Variants in CSDE1 observed in about 807,000 individuals in gnomAD.
CSDE1 encodes the protein cold shock domain containing E1.
CSDE1 carries 17 observed loss-of-function variants against 89.3 expected under a neutral mutation model. That is an observed-to-expected ratio of 0.19 (90% CI 0.13 to 0.29). The LOEUF (loss-of-function observed/expected upper bound fraction) is 0.29. Ranked by LOEUF, CSDE1 falls within the 10% of genes least tolerant of loss-of-function variation. The pLI, the probability that CSDE1 is intolerant of heterozygous loss-of-function variation, is 1.00. For synonymous variants in CSDE1, 322 were observed against 332.8 expected (o/e 0.97, Z 0.35); for missense variants, 672 against 984.2 (o/e 0.68, Z 4.24).
At chr1:114,734,743 T>C (rs1233792859) in intron 6 of CSDE1, among the ~76,000 whole-genome samples, 4 of 152,192 alleles carry the variant, frequency 2.6e-5, no homozygotes, top group African/African-American at 9.7e-5. Flanking sequence ...AATATATATA[T>C]AGGTCATCTT....
intron 9 of CSDE1, 88 bp from the exon 10 acceptor site, chr1:114,732,904 G>T: frequency 2.6e-6 from 3 of 1,165,476 alleles, no homozygotes; most frequent in Non-Finnish European, 3.8e-6. Context: ...GTAAACCCAT[G>T]TTATTTTTAA....
intron 13 of CSDE1, 51 bp downstream of exon 13, chr1:114,726,932 G>A (rs1400264072): frequency 4.0e-6 from 5 of 1,237,036 alleles, no homozygotes; most frequent in Non-Finnish European, 4.7e-6. Flanking sequence ...CAGGATTTAT[G>A]ATTAAGATGA....
intron 2 of CSDE1, among the ~76,000 whole-genome samples, chr1:114,747,372 C>A (rs1004613734): frequency 6.6e-6 from 1 of 152,194 alleles, no homozygotes; most frequent in Non-Finnish European, 1.5e-5. Context: ...CCATGTTTTA[C>A]TGCCAATAAT....
intron 6 of CSDE1, among the ~76,000 whole-genome samples, chr1:114,736,048 A>G (rs1557999667): frequency 6.6e-6 from 1 of 152,146 alleles, no homozygotes; most frequent in Non-Finnish European, 1.5e-5. Context: ...AGCCCAGTTT[A>G]TGGTACCATC....
intron 2 of CSDE1, among the ~76,000 whole-genome samples, chr1:114,742,253 T>G (rs955441587): frequency 1.3e-5 from 2 of 152,258 alleles, no homozygotes; most frequent in South Asian, 4.1e-4. Context: ...GATAAGGAGA[T>G]ATATAAATTT....
At chr1:114,753,895 G>A (rs1661446635) in intron 1 of CSDE1, among the ~76,000 whole-genome samples, 1 of 152,076 alleles carries the variant, frequency 6.6e-6, no homozygotes. Flanking sequence ...TTGCCTGGGC[G>A]ACAGAGTAAG....
chr1:114,729,199 C>T (rs943122017), intron 12 of CSDE1, among the ~76,000 whole-genome samples: 25 of 152,030 alleles, frequency 1.6e-4, no homozygotes, highest in African/African-American at 5.6e-4. Flanking sequence ...CCTGGGTTCA[C>T]GCCATTCTCC....
chr1:114,751,385 GATT>G (rs1165546877), intron 1 of CSDE1, among the ~76,000 whole-genome samples: 1 of 152,200 alleles, frequency 6.6e-6, no homozygotes, highest in Non-Finnish European at 1.5e-5. Context: ...TCAGAAGAAT[GATT>G]ATCAGGTGAG....
chr1:114,755,571 C>T (rs1314871006), intron 1 of CSDE1, among the ~76,000 whole-genome samples: 4 of 152,156 alleles, frequency 2.6e-5, no homozygotes, highest in African/African-American at 4.8e-5. Context: ...ATTCTAATAT[C>T]AAAACAAAGG....
In CSDE1 at chr1:114,730,292, G is replaced by A; in HGVS notation, c.1322C>T (p.Pro441Leu). ...TVEKEATFSNPKTTSPNKGKE... is the reference protein window; with the variant it reads ...TVEKEATFSNLKTTSPNKGKE... ...GCCTTTATTTGGGCTAGTGGTTTTAGGATTGGAAAAAGTGGCTTCTTTTTC... is the reference window on the plus strand; with the variant it reads ...GCCTTTATTTGGGCTAGTGGTTTTAAGATTGGAAAAAGTGGCTTCTTTTTC... The change falls in exon 12 of 20, where the codon CCT becomes CTT. Residue 441 changes from proline to leucine, a missense_variant. Pro to Leu is a moderately conservative substitution (Grantham distance 98). This residue lies in a region of CSDE1 where 108 missense variants were observed against 105.0 expected (regional missense o/e 1.03). Coordinates refer to ENST00000358528, the MANE Select transcript of CSDE1 (RefSeq NM_001007553.3). 6.2e-7 allele frequency: 1 copy of A among 1,614,094 alleles called. No homozygotes were observed. Among genetic ancestry groups the A allele is most frequent in the South Asian group, 1.1e-5 (1 of 91,064 alleles).
In CSDE1 at chr1:114,726,237, A is replaced by G. The variant is rs1659789596; in HGVS notation, c.1614T>C (p.His538=). The stretch of plus-strand genomic sequence containing the variant: ...TGTAATGGAAAAAGATTTCCTTATC[A>G]TGATTGGCTGTTTCAATAAATCCAA... ...DNFGFIETAN[H]DKEIFFHYSE... Residue 538 remains histidine, a synonymous_variant, in exon 14 of 20, where the codon CAT becomes CAC. Coordinates refer to ENST00000358528, the MANE Select transcript of CSDE1 (RefSeq NM_001007553.3). 2 of 1,610,560 alleles carry G rather than the reference A, an allele frequency of 1.2e-6. No individual in the cohort carries two copies. Among genetic ancestry groups the G allele is most frequent in the African/African-American group, 2.7e-5 (2 of 74,792 alleles).
intron 2 of CSDE1, among the ~76,000 whole-genome samples, chr1:114,742,014 A>G (rs745442161): frequency 6.6e-6 from 1 of 152,202 alleles, no homozygotes; most frequent in Non-Finnish European, 1.5e-5. Flanking sequence ...TGATAACCCA[A>G]TGGGGTGCAG....
At chr1:114,739,988 G>T in intron 2 of CSDE1, 98 bp from the exon 3 acceptor site, 2 of 936,742 alleles carry the variant, frequency 2.1e-6, no homozygotes, top group Admixed American at 2.3e-5. Flanking sequence ...ATATAAAAAC[G>T]CAAAAAAAAG....
At position 114,726,297 on chromosome 1, in the gene CSDE1, C is replaced by T. The variant is rs1377102440; in HGVS notation, c.1554G>A (p.Arg518=). The T allele has an allele frequency of 6.2e-7, 1 of 1,613,468 alleles. No homozygotes were observed. ...RLLGRNSNSK[R]LLGYVATLKD... ...TCAGAGTTGCCACATAACCCAAGAG[C>T]CTCTTGGAGTTAGAATTACGACCTA... The change falls in exon 14 of 20, where the codon AGG becomes AGA. Residue 518 remains arginine, a synonymous_variant. Transcript: ENST00000358528.
chr1:114,748,601 T>C (rs887153123), intron 2 of CSDE1, among the ~76,000 whole-genome samples: 2 of 152,238 alleles, frequency 1.3e-5, no homozygotes, highest in Non-Finnish European at 2.9e-5. Flanking sequence ...CTATGAACAA[T>C]GAAGGTTTCT....
rs373509355 is a variant in CSDE1 at position 114,738,115 on chromosome 1, C to T, written c.200-43G>A. ...GTTATGTTTGTTGAACTGATTTTTG[C>T]GAAACGATATATTGCTTCCAAGCTA... is the stretch of plus-strand genomic sequence containing the variant. On this transcript the variant is annotated intron_variant, in intron 3 of 19. Transcript: ENST00000358528. 8.7e-5 allele frequency: 127 copies of T among 1,454,358 alleles called. 1 individual carries two copies. Among genetic ancestry groups the T allele is most frequent in the African/African-American group, 1.3e-4 (9 of 71,684 alleles). The allele number at this position is 1,454,358 out of a possible 1,614,324, so 90.1% of individuals were successfully genotyped here.
At chr1:114,726,554 CT>C (rs1488075022) in intron 13 of CSDE1, among the ~76,000 whole-genome samples, 168 bp from the exon 14 acceptor site, 1 of 152,226 alleles carries the variant, frequency 6.6e-6, no homozygotes, top group Non-Finnish European at 1.5e-5. Context: ...TCTCATCCCA[CT>C]TTTCACAAAG....
At chr1:114,723,263 T>C (rs987504728) in intron 16 of CSDE1, among the ~76,000 whole-genome samples, 1 of 152,236 alleles carries the variant, frequency 6.6e-6, no homozygotes, top group Non-Finnish European at 1.5e-5. Flanking sequence ...ATTTCTATCA[T>C]GTATTTATTT....
intron 19 of CSDE1, among the ~76,000 whole-genome samples, 191 bp downstream of exon 19, chr1:114,718,422 A>C (rs771893729): frequency 1.3e-5 from 2 of 152,242 alleles, no homozygotes; most frequent in African/African-American, 2.4e-5. Context: ...TCAAGAAAAG[A>C]AATGTGCTTC....
Sources: allele counts gnomAD v4.1 joint callset (sites outside exome capture counted in the v4.1 genomes callset), GRCh38; gene constraint gnomAD v4.1.1; regional missense constraint gnomAD v4.1.1; transcripts MANE v1.5; gene names NCBI Gene and HGNC (gene_info 2026-07-23, HGNC 2026-07-21).